Variants in SLC25A16 observed in about 807,000 individuals in gnomAD.
The protein encoded by SLC25A16 is mitochondrial coenzyme A transporter SLC25A16.
SLC25A16 carries 39 observed loss-of-function variants against 41.5 expected under a neutral mutation model. The ratio of observed to expected loss-of-function variants is 0.94; its 90% CI spans 0.73 to 1.23. The LOEUF (loss-of-function observed/expected upper bound fraction) is 1.23. Ranked by LOEUF, SLC25A16 falls within the 50% of genes most tolerant of loss-of-function variation. The pLI, the probability that SLC25A16 is intolerant of heterozygous loss-of-function variation, is 0.00. For synonymous variants in SLC25A16, 146 were observed against 147.8 expected, an observed-to-expected ratio of 0.99 and a Z score of 0.09; for missense variants, 421 against 426.9, an observed-to-expected ratio of 0.99 and a Z score of 0.12.
chr10:68,499,885 C>G (rs2052812031), intron 4 of SLC25A16: 2 of 566,124 alleles, frequency 3.5e-6, no homozygotes, highest in African/African-American at 3.8e-5. Flanking sequence ...CAAAAAGATT[C>G]CTGAACAGAA....
At chr10:68,502,376 T>A (rs2795898) in intron 4 of SLC25A16, among the ~76,000 whole-genome samples, 5,440 of 152,008 alleles carry the variant, frequency 0.036, 152 homozygotes, top group South Asian at 0.089. Context: ...TGATTTTTTT[T>A]AAAAAATCAT....
rs909883967 is a variant in SLC25A16, at chr10:68,487,184, T to C, written c.802A>G (p.Met268Val). Reference protein sequence around the residue: ...SYPFDVTRRRMQLGTVLPEFE... With the variant: ...SYPFDVTRRRVQLGTVLPEFE... ...TCCGGCAGAACAGTTCCTAATTGCATTCGCCGACGAGTCACATCAAATGGG... is the reference window on the plus strand; with the variant it reads ...TCCGGCAGAACAGTTCCTAATTGCACTCGCCGACGAGTCACATCAAATGGG... Residue 268 changes from methionine to valine, a missense_variant, in exon 8 of 9, where the codon ATG becomes GTG. Physicochemically the swap from Met to Val is conservative, Grantham distance 21 (BLOSUM62 1). Coordinates refer to ENST00000609923, the MANE Select transcript of SLC25A16 (RefSeq NM_152707.4). 2 of 1,613,692 alleles carry C rather than the reference T, an allele frequency of 1.2e-6. No individual in the cohort carries two copies. The highest frequency in any genetic ancestry group is 1.7e-6 in the Non-Finnish European group (2 of 1,179,822).
chr10:68,483,465 G>C lies in SLC25A16; in HGVS notation c.966C>G (p.Tyr322Ter). 1 of 1,604,446 alleles carries C rather than the reference G, an allele frequency of 6.2e-7. No individual in the cohort carries two copies. The highest frequency in any genetic ancestry group is 8.5e-7 in the Non-Finnish European group (1 of 1,176,424). ...IPSQAVAFTT[Y>*]ELMKQFFHLN ...GGTGAAAAAACTGCTTCATAAGTTC[G>C]TATGTTGTAAAAGCCACTGCTTGAG... is the stretch of plus-strand genomic sequence containing the variant. Residue 322 changes from tyrosine to a stop codon, truncating the protein, a stop_gained, in exon 9 of 9, where the codon TAC (tyrosine) becomes TAG (stop). Transcript: ENST00000609923. LOFTEE classifies it high-confidence loss of function.
chr10:68,497,399 C>CAA (rs2052766546), intron 4 of SLC25A16, among the ~76,000 whole-genome samples: 1 of 152,146 alleles, frequency 6.6e-6, no homozygotes, highest in African/African-American at 2.4e-5. Flanking sequence ...GTTACTACTT[C>CAA]AAGGTTGACT....
At chr10:68,495,781 C>CAAAAAAAAAA in intron 4 of SLC25A16, among the ~76,000 whole-genome samples, 24 of 89,474 alleles carry the variant, frequency 2.7e-4, no homozygotes, top group East Asian at 7.8e-4. Context: ...GACTATGTCT[C>CAAAAAAAAAA]AAAAAAAAAA....
intron 1 of SLC25A16, among the ~76,000 whole-genome samples, chr10:68,519,545 A>G (rs905615338): frequency 1.3e-5 from 2 of 152,066 alleles, no homozygotes; most frequent in African/African-American, 4.8e-5. Flanking sequence ...TAAACTAAAA[A>G]TAATATGCAT....
rs1564933635 is a variant in SLC25A16, at chr10:68,527,342, C to T, written c.34G>A (p.Ala12Thr). 1 of 1,524,156 alleles carries T rather than the reference C, an allele frequency of 6.6e-7. No homozygotes were observed. Among genetic ancestry groups the T allele is most frequent in the Admixed American group, 2.2e-5 (1 of 45,358 alleles). The allele number at this position is 1,524,156 out of a possible 1,614,324, so 94.4% of individuals were successfully genotyped here. A position where few individuals can be genotyped will look rare whatever the true frequency, so the allele number is the denominator to read the frequency against. The change falls in exon 1 of 9, where the codon GCG becomes ACG. Residue 12 changes from alanine (A) to threonine (T), a missense_variant. Ala to Thr is a moderately conservative substitution (Grantham distance 58, BLOSUM62 0). Transcript: ENST00000609923. Reference sequence around the variant, plus strand: ...GGCATTGCGGGAGGGGGATCGGCCGCCGCCAGGGCTGCCGCGGCCGTCGCC... The same window carrying T: ...GGCATTGCGGGAGGGGGATCGGCCGTCGCCAGGGCTGCCGCGGCCGTCGCC... ...AAATAAAALA[A>T]ADPPPAMPQA... is the part of the protein sequence containing the mutation.
chr10:68,510,461 T>C (rs2053042278), intron 2 of SLC25A16, among the ~76,000 whole-genome samples: 1 of 150,704 alleles, frequency 6.6e-6, no homozygotes, highest in Non-Finnish European at 1.5e-5. Flanking sequence ...AGAATTGCTT[T>C]AACCTGGAAG....
Position 68,493,514 on chromosome 10 carries a change from A to T in SLC25A16, c.478T>A (p.Phe160Ile). The change falls in exon 5 of 9, where the codon TTC becomes ATC. Residue 160 changes from phenylalanine to isoleucine, a missense_variant. Transcript: ENST00000609923. ...PLDMVRVRLA[F>I]QVKGEHSYTG... ...TAGCTGTGTTCCCCTTTCACCTGGA[A>T]TGCTAGGCGGACCCTAACCATGTCA... 6.2e-7 allele frequency: 1 copy of T among 1,613,142 alleles called. No homozygotes were observed. The highest frequency in any genetic ancestry group is 8.5e-7 in the Non-Finnish European group (1 of 1,179,208).
chr10:68,496,573 C>G (rs568230665), intron 4 of SLC25A16: 1 of 983,794 alleles, frequency 1.0e-6, no homozygotes, highest in East Asian at 1.1e-4. Context: ...TATGAATGTG[C>G]AAACTCTTCT....
chr10:68,481,382 T>C lies in SLC25A16; in HGVS notation c.*2050A>G, dbSNP rs2052482228. 6.6e-6 allele frequency: 1 copy of C among 152,224 alleles called. No individual in the cohort carries two copies. Among genetic ancestry groups the C allele is most frequent in the African/African-American group, 2.4e-5 (1 of 41,468 alleles). 9.4% of individuals were successfully genotyped at this position (152,224 alleles called of 1,614,324 possible). The stretch of plus-strand genomic sequence containing the variant: ...AGGCTTTCAAAATGAAACCAGCTCA[T>C]CAAATTTTTACCAAGGTATGACAAG... On this transcript the variant is annotated 3_prime_UTR_variant, in exon 9 of 9. Coordinates refer to ENST00000609923, the MANE Select transcript of SLC25A16 (RefSeq NM_152707.4).
chr10:68,527,416 C>G lies in SLC25A16; in HGVS notation c.-41G>C. ...GTCAGGAGCCTAGGTTGCCAACTTACAGAACACCGGACGGGACCATAGCCG... is the reference window on the plus strand; with the variant it reads ...GTCAGGAGCCTAGGTTGCCAACTTAGAGAACACCGGACGGGACCATAGCCG... On this transcript the variant is annotated 5_prime_UTR_variant, in exon 1 of 9. Coordinates refer to ENST00000609923, the MANE Select transcript of SLC25A16 (RefSeq NM_152707.4). The G allele has an allele frequency of 7.0e-7, 1 of 1,438,142 alleles. No homozygotes were observed. The highest frequency in any genetic ancestry group is 3.0e-5 in the Admixed American group (1 of 33,622). 89.1% of individuals were successfully genotyped at this position (1,438,142 alleles called of 1,614,324 possible).
chr10:68,513,032 T>TC (rs1057025467), intron 2 of SLC25A16, among the ~76,000 whole-genome samples: 1 of 150,818 alleles, frequency 6.6e-6, no homozygotes, highest in Non-Finnish European at 1.5e-5. Flanking sequence ...AGAGAGAGAC[T>TC]CCGTCTGATA....
At chr10:68,508,125 G>C (rs1221915780) in intron 2 of SLC25A16, among the ~76,000 whole-genome samples, 1 of 151,976 alleles carries the variant, frequency 6.6e-6, no homozygotes, top group African/African-American at 2.4e-5. Flanking sequence ...CAGCTACTCA[G>C]CAGACTGAAG....
intron 1 of SLC25A16, among the ~76,000 whole-genome samples, chr10:68,524,903 C>G (rs2053312339): frequency 1.3e-5 from 2 of 151,218 alleles, no homozygotes; most frequent in Non-Finnish European, 2.9e-5. Context: ...AAAAATTAGC[C>G]AGGCATGGTG....
intron 1 of SLC25A16, among the ~76,000 whole-genome samples, chr10:68,520,306 T>C (rs1464074401): frequency 1.3e-5 from 2 of 152,104 alleles, no homozygotes; most frequent in Non-Finnish European, 2.9e-5. Context: ...TCCCCCCTTA[T>C]CTGCAATTTC....
intron 1 of SLC25A16, among the ~76,000 whole-genome samples, chr10:68,522,458 T>C (rs2053265195): frequency 6.6e-6 from 1 of 151,892 alleles, no homozygotes; most frequent in Admixed American, 6.6e-5. Flanking sequence ...GGCAGGTGGA[T>C]CACTTAAGGT....
intron 8 of SLC25A16, among the ~76,000 whole-genome samples, chr10:68,486,427 T>A (rs561773942): frequency 7.6e-4 from 116 of 151,762 alleles, no homozygotes; most frequent in Admixed American, 1.3e-3. Context: ...TTTTTTAGTT[T>A]GTTTTTGTTT....
chr10:68,521,679 C>T (rs1590129951), intron 1 of SLC25A16, among the ~76,000 whole-genome samples: 1 of 149,242 alleles, frequency 6.7e-6, no homozygotes, highest in East Asian at 2.0e-4. Flanking sequence ...CTGCAAGCTC[C>T]GCCTCCCGGG....
Sources: gnomAD v4.1 joint callset for allele counts (sites outside exome capture counted in the v4.1 genomes callset) on GRCh38, gnomAD v4.1.1 for gene constraint, MANE v1.5 for transcripts, NCBI Gene and HGNC (gene_info 2026-07-23, HGNC 2026-07-21) for gene names.